Variants in TTC6 observed in about 807,000 individuals in gnomAD.
TTC6 encodes tetratricopeptide repeat domain 6.
In TTC6, 172 loss-of-function variants were observed where a neutral mutation model predicts 210.4. The ratio of observed to expected loss-of-function variants is 0.82; its 90% confidence interval spans 0.72 to 0.93. TTC6 has a LOEUF of 0.93. Ranked by LOEUF, TTC6 falls within the 40% of genes least tolerant of loss-of-function variation. The pLI is 0.00. For missense variants in TTC6, 2,414 were observed against 2,318.1 expected (o/e 1.04, Z -0.85); for synonymous variants, 804 against 819.6 (o/e 0.98, Z 0.32).
chr14:37,684,060 C>T (rs1275441766), intron 3 of TTC6, among the ~76,000 whole-genome samples: 1 of 152,078 alleles, frequency 6.6e-6, no homozygotes, highest in East Asian at 1.9e-4. Flanking sequence ...CCTCATTCTT[C>T]AATTTTTGCC....
intron 6 of TTC6, among the ~76,000 whole-genome samples, chr14:37,717,676 G>C (rs1436442122): frequency 6.6e-6 from 1 of 151,916 alleles, no homozygotes; most frequent in African/African-American, 2.4e-5. Context: ...GAAAATAAGA[G>C]GAGGGAAGAC....
chr14:37,606,619 C>G (rs1363284709), intron 1 of TTC6, 44 bp from the exon 2 acceptor site: 1 of 524,276 alleles, frequency 1.9e-6, no homozygotes, highest in Non-Finnish European at 2.4e-6. Context: ...CTCATTTTCT[C>G]TTGTTAGTTC....
At chr14:37,749,390 G>T (rs1440169620) in exon 11 of TTC6, 1 of 1,427,098 alleles carries the variant, frequency 7.0e-7, no homozygotes, top group East Asian at 2.5e-5. Context: ...TGCCATGAAT[G>T]ATCTGCAGAG....
intron 7 of TTC6, among the ~76,000 whole-genome samples, chr14:37,733,102 A>G (rs1436269429): frequency 1.3e-5 from 2 of 152,186 alleles, no homozygotes; most frequent in African/African-American, 2.4e-5. Flanking sequence ...TAGAATATGC[A>G]TCTTTAACTT....
At chr14:37,838,787 G>A (rs560715427) in intron 29 of TTC6, among the ~76,000 whole-genome samples, 2 of 152,060 alleles carry the variant, frequency 1.3e-5, no homozygotes, top group Admixed American at 1.3e-4. Flanking sequence ...ACCCATCGAC[G>A]CATCATTTAC....
chr14:37,621,555 G>A (rs2095651122), upstream of TTC6, among the ~76,000 whole-genome samples: 1 of 152,204 alleles, frequency 6.6e-6, no homozygotes, highest in Non-Finnish European at 1.5e-5. Context: ...GCTGCACTAA[G>A]CCATGATCAT....
chr14:37,743,942 G>T (rs150865080), intron 10 of TTC6, among the ~76,000 whole-genome samples: 2 of 152,172 alleles, frequency 1.3e-5, no homozygotes, highest in African/African-American at 4.8e-5. Context: ...TGAACTCCCA[G>T]GGAAGAGGTG....
chr14:37,664,164 T>C (rs1207739118), intron 1 of TTC6, among the ~76,000 whole-genome samples: 1 of 150,578 alleles, frequency 6.6e-6, no homozygotes. Context: ...TTAAAGCTCA[T>C]GTGGAACAAA....
At chr14:37,715,187 A>G (rs2138764774) in intron 6 of TTC6, among the ~76,000 whole-genome samples, 1 of 152,238 alleles carries the variant, frequency 6.6e-6, no homozygotes, top group Admixed American at 6.5e-5. Flanking sequence ...AAATTATTGA[A>G]GACCTCAATA....
chr14:37,792,832 G>A (rs1312182349), intron 17 of TTC6, among the ~76,000 whole-genome samples: 1 of 150,118 alleles, frequency 6.7e-6, no homozygotes, highest in African/African-American at 2.4e-5. Context: ...AGGTGAGTAA[G>A]TAGGTTCATA....
chr14:37,645,034 C>T lies in TTC6; in HGVS notation c.939+22031C>T, dbSNP rs142894490. Among the ~76,000 whole-genome samples, 149 of 152,290 alleles carry T rather than the reference C, an allele frequency of 9.8e-4. 1 individual carries two copies. Among genetic ancestry groups the T allele is most frequent in the East Asian group, 8.7e-3 (45 of 5,188 alleles). Reference sequence around the variant, plus strand: ...GCTGCATTTAAAAAGGTTCTTAGTACGTACTACTACATTACATTCCAGTAA... The same window carrying T: ...GCTGCATTTAAAAAGGTTCTTAGTATGTACTACTACATTACATTCCAGTAA... On this transcript the variant is annotated intron_variant, in intron 1 of 30. Transcript: ENST00000553443.
exon 29 of TTC6, chr14:37,827,232 G>A (rs775759175): frequency 1.9e-6 from 3 of 1,612,866 alleles, no homozygotes; most frequent in East Asian, 2.2e-5. Flanking sequence ...AAATCGTGGG[G>A]TGATTCATGA....
chr14:37,709,785 A>G (rs1337950502), intron 5 of TTC6, among the ~76,000 whole-genome samples: 2 of 152,004 alleles, frequency 1.3e-5, no homozygotes, highest in African/African-American at 4.8e-5. Context: ...TCTTTTTAAA[A>G]CATACATAAT....
rs1259906883 is a variant in TTC6 at position 37,805,439 on chromosome 14, A to ACACACC, written c.4164+630_4164+631insCCACAC. ...AAGACACACACACACACACACACAC[A>ACACACC]CACACACACACACAAACACACACAC... On this transcript the variant is annotated intron_variant, in intron 21 of 30. Transcript: ENST00000553443. 6.7e-4 allele frequency among the ~76,000 whole-genome samples: 102 copies of ACACACC among 151,920 alleles called. 1 individual carries two copies. In the South Asian group the frequency reaches 0.016, roughly 24 times the overall value.
chr14:37,618,721 G>A (rs982607050), upstream of TTC6, among the ~76,000 whole-genome samples: 4 of 152,198 alleles, frequency 2.6e-5, no homozygotes, highest in African/African-American at 9.7e-5. Flanking sequence ...AGAAGTTCCT[G>A]TTGAATTTAG....
rs572623322 is a variant in TTC6 at position 37,648,622 on chromosome 14, G to C, written c.939+25619G>C. ...TTCTCCAGAAACAGTTCGTATAAGA[G>C]AGGGATTATATTTTCCTTGAAAGTT... On this transcript the variant is annotated intron_variant, in intron 1 of 30. Coordinates refer to ENST00000553443, the Ensembl canonical transcript of TTC6. 7.2e-5 allele frequency among the ~76,000 whole-genome samples: 11 copies of C among 152,210 alleles called. No individual in the cohort carries two copies. The South Asian group carries it at 2.3e-3, about 32-fold the overall frequency.
At chr14:37,751,298 A>C (rs1000095284) in intron 13 of TTC6, 73 bp downstream of exon 15, 2 of 1,096,404 alleles carry the variant, frequency 1.8e-6, no homozygotes, top group Admixed American at 3.4e-5. Flanking sequence ...ATAGTACAGC[A>C]AGTTTTTGAA....
chr14:37,731,278 A>C (rs902480482), intron 7 of TTC6, among the ~76,000 whole-genome samples: 1 of 152,196 alleles, frequency 6.6e-6, no homozygotes, highest in African/African-American at 2.4e-5. Flanking sequence ...TCATGCCTGA[A>C]AGAAGCTATG....
chr14:37,792,981 G>GA (rs1301381176), intron 17 of TTC6, among the ~76,000 whole-genome samples: 1 of 151,910 alleles, frequency 6.6e-6, no homozygotes, highest in African/African-American at 2.4e-5. Flanking sequence ...CAATAAATAG[G>GA]AAAAATCCTC....
Sources: allele counts gnomAD v4.1 joint callset (sites outside exome capture counted in the v4.1 genomes callset), GRCh38; gene constraint gnomAD v4.1.1; transcripts MANE v1.5; gene names NCBI Gene and HGNC (gene_info 2026-07-23, HGNC 2026-07-21).